RIMS3: variants seen among roughly 807,000 people sequenced by gnomAD.
RIMS3 encodes regulating synaptic membrane exocytosis 3.
In RIMS3, 15 loss-of-function variants were observed where a neutral mutation model predicts 29.2. The observed-to-expected ratio is 0.51, with a 90% confidence interval of 0.34 to 0.79. The LOEUF (loss-of-function observed/expected upper bound fraction) is 0.79, where lower values mean the gene tolerates loss of function less well. Ranked by LOEUF, RIMS3 falls within the 30% of genes least tolerant of loss-of-function variation. The pLI, the probability that RIMS3 is intolerant of heterozygous loss-of-function variation, is 0.01. For missense variants in RIMS3, 342 were observed against 421.4 expected (o/e 0.81, Z 1.65); for synonymous variants, 161 against 170.1 (o/e 0.95, Z 0.41).
chr1:40,643,213 C>T (rs773595540), intron 2 of RIMS3, among the ~76,000 whole-genome samples: 1 of 151,984 alleles, frequency 6.6e-6, no homozygotes, highest in Non-Finnish European at 1.5e-5. Flanking sequence ...CTCACTGCAA[C>T]CTTTGCCTCC....
At chr1:40,680,115 G>A in the RIMS3 span, among the ~76,000 whole-genome samples, 1 of 151,694 alleles carries the variant, frequency 6.6e-6, no homozygotes, top group East Asian at 1.9e-4. Context: ...GGGCAACATA[G>A]TGAGACCCTG....
chr1:40,671,773 T>TG, the RIMS3 span, among the ~76,000 whole-genome samples: 1 of 150,420 alleles, frequency 6.6e-6, no homozygotes, highest in East Asian at 1.9e-4. Context: ...TTTTTTTTTT[T>TG]TTTGATGGAG....
rs1265575319 is a variant in RIMS3, at chr1:40,621,362, CAAG to C, written c.*5152_*5154del. 1 of 152,126 alleles carries C rather than the reference CAAG, an allele frequency of 6.6e-6. No individual in the cohort carries two copies. Among genetic ancestry groups the C allele is most frequent in the Non-Finnish European group, 1.5e-5 (1 of 68,046 alleles). The allele number at this position is 152,126 out of a possible 1,614,324, so 9.4% of individuals were successfully genotyped here. On this transcript the variant is annotated 3_prime_UTR_variant, in exon 8 of 8. Coordinates refer to ENST00000372684, the MANE Select transcript of RIMS3 (RefSeq NM_014747.3). ...CCCTTAATTATGTCTCATCATTACA[CAAG>C]AATAAAAGAGGGAGGACAAACCACG...
chr1:40,631,297 G>T (rs943249506), intron 5 of RIMS3, among the ~76,000 whole-genome samples: 1 of 152,154 alleles, frequency 6.6e-6, no homozygotes, highest in Non-Finnish European at 1.5e-5. Flanking sequence ...AAGCTAACAG[G>T]ACCAAGCGTA....
At chr1:40,653,396 G>C (rs1642221250) in intron 1 of RIMS3, among the ~76,000 whole-genome samples, 1 of 152,176 alleles carries the variant, frequency 6.6e-6, no homozygotes, top group Non-Finnish European at 1.5e-5. Context: ...AGATGGCCAA[G>C]CTGGAAGGCC....
At chr1:40,658,942 G>A (rs1335843149) in intron 1 of RIMS3, among the ~76,000 whole-genome samples, 4 of 152,186 alleles carry the variant, frequency 2.6e-5, no homozygotes, top group Non-Finnish European at 5.9e-5. Context: ...GCTGGGAGCC[G>A]GAGGTACGCA....
At chr1:40,689,999 T>C in the RIMS3 span, among the ~76,000 whole-genome samples, 2 of 152,194 alleles carry the variant, frequency 1.3e-5, no homozygotes, top group Non-Finnish European at 2.9e-5. Flanking sequence ...CACTACTTGT[T>C]GTTAAATATA....
intron 2 of RIMS3, among the ~76,000 whole-genome samples, chr1:40,645,839 C>A: frequency 6.6e-6 from 1 of 152,204 alleles, no homozygotes. Context: ...GGTCTCTGCA[C>A]CATCCAGAGC....
intron 5 of RIMS3, among the ~76,000 whole-genome samples, chr1:40,630,073 A>C (rs1646479626): frequency 6.8e-6 from 1 of 147,144 alleles, no homozygotes; most frequent in Admixed American, 6.8e-5. Context: ...TCCGTCTCAA[A>C]AAAAAAAAAA....
chr1:40,650,828 T>C (rs1169307036), intron 1 of RIMS3, among the ~76,000 whole-genome samples: 4 of 125,662 alleles, frequency 3.2e-5, no homozygotes, highest in Non-Finnish European at 6.2e-5. Context: ...ATTGCAACAC[T>C]GCACTCCAGC....
At chr1:40,652,041 T>C (rs1345558625) in intron 1 of RIMS3, among the ~76,000 whole-genome samples, 3 of 152,158 alleles carry the variant, frequency 2.0e-5, no homozygotes, top group Non-Finnish European at 2.9e-5. Context: ...TCTGGGGCCT[T>C]GCAGGGTATA....
intron 1 of RIMS3, among the ~76,000 whole-genome samples, chr1:40,653,597 C>G (rs1642227577): frequency 6.6e-6 from 1 of 152,172 alleles, no homozygotes; most frequent in Non-Finnish European, 1.5e-5. Context: ...AGGGTTTGGG[C>G]TGTGGCGGGA....
At position 40,626,729 on chromosome 1, in the gene RIMS3, C is replaced by T. The variant is rs755463562; in HGVS notation, c.715G>A (p.Val239Met). Residue 239 changes from valine to methionine, a missense_variant and splice_region_variant, in exon 8 of 8, where the codon GTG (valine) becomes ATG (methionine). Physicochemically the swap from Val to Met is conservative, Grantham distance 21. Coordinates refer to ENST00000372684, the MANE Select transcript of RIMS3 (RefSeq NM_014747.3). Reference protein sequence around the residue: ...DEGPQGKVLQVIVWGDYGRMD... With the variant: ...DEGPQGKVLQMIVWGDYGRMD... ...CGGCCATAGTCTCCCCAGACGATCA[C>T]CTGCCAGGAGGAAGAGAGGGAGGGA... is the stretch of plus-strand genomic sequence containing the variant. 6.2e-7 allele frequency: 1 copy of T among 1,614,014 alleles called. No individual in the cohort carries two copies. Among genetic ancestry groups the T allele is most frequent in the Non-Finnish European group, 8.5e-7 (1 of 1,179,984 alleles).
chr1:40,655,653 C>T (rs560548600), intron 1 of RIMS3, among the ~76,000 whole-genome samples: 1 of 152,292 alleles, frequency 6.6e-6, no homozygotes, highest in Admixed American at 6.5e-5. Flanking sequence ...CATACCACTT[C>T]CCAATTTTGC....
In RIMS3 at chr1:40,654,855, TAC is replaced by T. The variant is rs767653965; in HGVS notation, c.-206-7015_-206-7014del. ...ACACACACTTAAACTCTCTCATACA[TAC>T]ACACACACATTATGCCTTCACAGAG... On this transcript the variant is annotated intron_variant, in intron 1 of 7. Coordinates refer to ENST00000372684, the MANE Select transcript of RIMS3 (RefSeq NM_014747.3). The surrounding 1 kb of genome is among the most constrained non-coding windows in gnomAD (Gnocchi z 5.3). Among the ~76,000 whole-genome samples, 12 of 151,794 alleles carry T rather than the reference TAC, an allele frequency of 7.9e-5. No individual in the cohort carries two copies. Among genetic ancestry groups the T allele is most frequent in the Non-Finnish European group, 1.5e-5 (1 of 67,914 alleles).
At chr1:40,668,121 T>C (rs769909635), upstream of RIMS3, among the ~76,000 whole-genome samples, 36 of 151,832 alleles carry the variant, frequency 2.4e-4, no homozygotes, top group Admixed American at 1.1e-3. Flanking sequence ...TGTGGTGGCA[T>C]GCACCTGTAG....
chr1:40,691,317 G>A, the RIMS3 span: 1 of 162,442 alleles, frequency 6.2e-6, no homozygotes, highest in South Asian at 1.1e-4. Flanking sequence ...ACGCCATGTC[G>A]ACCTTCATCC....
chr1:40,631,387 C>A (rs1402963538), intron 5 of RIMS3, among the ~76,000 whole-genome samples: 10 of 152,176 alleles, frequency 6.6e-5, no homozygotes, highest in Admixed American at 6.5e-4. Flanking sequence ...CCCAGGGATA[C>A]CAAAATCCTT....
upstream of RIMS3, among the ~76,000 whole-genome samples, chr1:40,668,742 G>A (rs557232957): frequency 1.9e-4 from 29 of 152,260 alleles, no homozygotes; most frequent in African/African-American, 6.7e-4. Flanking sequence ...TGACTACAAG[G>A]CTTCTATACA....
Sources: gnomAD v4.1 joint callset for allele counts (sites outside exome capture counted in the v4.1 genomes callset) on GRCh38, gnomAD v4.1.1 for gene constraint, Gnocchi (gnomAD v3.1) non-coding constraint, MANE v1.5 for transcripts, NCBI Gene and HGNC (gene_info 2026-07-23, HGNC 2026-07-21) for gene names.